Variants in C2orf76 observed in about 807,000 individuals in gnomAD.
The protein encoded by C2orf76 is UPF0538 protein C2orf76.
A neutral mutation model predicts 16.9 loss-of-function variants in C2orf76; 23 were observed. The ratio of observed to expected loss-of-function variants is 1.36; its 90% CI spans 0.98 to 1.93. C2orf76 has a LOEUF of 1.93. C2orf76 is among the 30% of genes most tolerant of loss of function. C2orf76 has a pLI of 0.00. For synonymous variants in C2orf76, 48 were observed against 52.3 expected, an observed-to-expected ratio of 0.92 and a Z score of 0.35; for missense variants, 152 against 152.6, an observed-to-expected ratio of 1.00 and a Z score of 0.02.
Position 119,364,025 on chromosome 2 carries a change from TAGAG to T in C2orf76, c.-13+2761_-13+2764del, listed in dbSNP as rs35180651. 9.7e-3 allele frequency among the ~76,000 whole-genome samples: 1,396 copies of T among 143,848 alleles called. 12 individuals carry two copies. Among genetic ancestry groups the T allele is most frequent in the African/African-American group, 0.017 (636 of 37,828 alleles). The allele number at this position is 143,848 out of a possible 152,430, so 94.4% of individuals were successfully genotyped here. The stretch of plus-strand genomic sequence containing the variant: ...GGAGTGAGACCCTGTCTCAAAAAAA[TAGAG>T]AGAGAGAGAGAGACAGACAGACAGA... On this transcript the variant is annotated intron_variant, in intron 1 of 5. Coordinates refer to ENST00000334816, the MANE Select transcript of C2orf76 (RefSeq NM_001322331.2).
chr2:119,318,127 G>A (rs1043603755), intron 3 of C2orf76, among the ~76,000 whole-genome samples: 1 of 152,158 alleles, frequency 6.6e-6, no homozygotes, highest in Non-Finnish European at 1.5e-5. Context: ...TTATCTTGAA[G>A]TCAGGCTACA....
chr2:119,289,547 G>A, the C2orf76 span, among the ~76,000 whole-genome samples: 15 of 151,778 alleles, frequency 9.9e-5, 1 homozygote, highest in South Asian at 1.3e-3. Flanking sequence ...TTAGCTGGGC[G>A]TGGTGGCACG....
At chr2:119,295,098 C>T in the C2orf76 span, among the ~76,000 whole-genome samples, 22 of 152,038 alleles carry the variant, frequency 1.4e-4, no homozygotes, top group Non-Finnish European at 2.6e-4. Context: ...TTAATGACTA[C>T]GGCAAAGGTG....
intron 5 of C2orf76, among the ~76,000 whole-genome samples, chr2:119,310,183 T>A (rs1558776722): frequency 1.3e-5 from 2 of 152,230 alleles, no homozygotes; most frequent in Non-Finnish European, 2.9e-5. Flanking sequence ...CCCATTAATA[T>A]CAGTCTGTAA....
chr2:119,311,490 C>G (rs547489701), intron 5 of C2orf76, 132 bp downstream of exon 5: 21 of 1,439,002 alleles, frequency 1.5e-5, no homozygotes, highest in Non-Finnish European at 1.9e-5. Context: ...CTCCTCTGAA[C>G]AGTTACCGGG....
the C2orf76 span, among the ~76,000 whole-genome samples, chr2:119,285,392 G>A: frequency 1.3e-5 from 2 of 152,216 alleles, no homozygotes; most frequent in Non-Finnish European, 2.9e-5. Context: ...CTTCTTGGGG[G>A]AAGTGCACAG....
At chr2:119,341,050 G>T (rs13010156) in intron 1 of C2orf76, among the ~76,000 whole-genome samples, 1 of 151,814 alleles carries the variant, frequency 6.6e-6, no homozygotes, top group Non-Finnish European at 1.5e-5. Context: ...GCCCTGGGAC[G>T]ACAGAGCAGT....
intron 5 of C2orf76, among the ~76,000 whole-genome samples, chr2:119,309,398 C>CTTTTTTTTTTTTTTTTTTTT (rs1193022536): frequency 7.0e-5 from 5 of 71,358 alleles, no homozygotes; most frequent in African/African-American, 1.2e-4. Flanking sequence ...TTCTCTTTTT[C>CTTTTTTTTTTTTTTTTTTTT]TTTTTTTTTT....
chr2:119,307,793 C>A (rs1678846865), intron 5 of C2orf76, among the ~76,000 whole-genome samples: 1 of 152,220 alleles, frequency 6.6e-6, no homozygotes, highest in Non-Finnish European at 1.5e-5. Context: ...ATTTGCTTCT[C>A]ACCTTTACAG....
At chr2:119,351,970 C>T (rs911187755) in intron 1 of C2orf76, among the ~76,000 whole-genome samples, 1 of 152,170 alleles carries the variant, frequency 6.6e-6, no homozygotes, top group Admixed American at 6.5e-5. Flanking sequence ...ACCTAAAAAA[C>T]CTGGTATATA....
the C2orf76 span, among the ~76,000 whole-genome samples, chr2:119,292,278 G>A: frequency 7.9e-4 from 120 of 152,144 alleles, no homozygotes; most frequent in Middle Eastern, 3.4e-3. Context: ...GTTTTCCAGG[G>A]AACAGTTCAA....
At chr2:119,318,542 T>C (rs1679249349) in intron 3 of C2orf76, among the ~76,000 whole-genome samples, 1 of 151,976 alleles carries the variant, frequency 6.6e-6, no homozygotes, top group Non-Finnish European at 1.5e-5. Flanking sequence ...ATTTTTTTTT[T>C]TTTTTGAGAC....
intron 2 of C2orf76, among the ~76,000 whole-genome samples, chr2:119,324,276 C>T (rs1351991091): frequency 6.6e-6 from 1 of 152,180 alleles, no homozygotes; most frequent in Non-Finnish European, 1.5e-5. Flanking sequence ...ACAGCGAGCA[C>T]CTATTCTCTT....
intron 1 of C2orf76, among the ~76,000 whole-genome samples, chr2:119,355,009 T>G (rs1445708647): frequency 3.9e-5 from 6 of 152,184 alleles, no homozygotes; most frequent in Non-Finnish European, 7.4e-5. Flanking sequence ...ACATCTACAA[T>G]TCCTCAGACC....
the C2orf76 span, among the ~76,000 whole-genome samples, chr2:119,285,720 G>A: frequency 6.6e-6 from 1 of 152,140 alleles, no homozygotes; most frequent in Non-Finnish European, 1.5e-5. Flanking sequence ...TATTATTGCT[G>A]GTATCTGAAT....
intron 2 of C2orf76, among the ~76,000 whole-genome samples, chr2:119,331,272 ATTTTGCTCT>A (rs1679669089): frequency 1.2e-4 from 19 of 152,144 alleles, no homozygotes; most frequent in Admixed American, 1.2e-3. Flanking sequence ...TCTACAGCTA[ATTTTGCTCT>A]ACTACTGCAG....
intron 2 of C2orf76, among the ~76,000 whole-genome samples, chr2:119,335,501 T>C (rs748578733): frequency 1.1e-4 from 17 of 152,162 alleles, no homozygotes; most frequent in Non-Finnish European, 2.2e-4. Context: ...CAGAAGGCAA[T>C]TGAAAGAGCT....
chr2:119,342,658 G>T (rs574132904), intron 1 of C2orf76, among the ~76,000 whole-genome samples: 2 of 152,176 alleles, frequency 1.3e-5, no homozygotes, highest in East Asian at 3.9e-4. Flanking sequence ...ATTATCTGAG[G>T]TGTAGGAAGA....
Position 119,364,999 on chromosome 2 carries a change from G to C in C2orf76, c.-13+1791C>G, listed in dbSNP as rs572277717. ...CTCGGGAGGCTAAGGTGGGAGGATC[G>C]CTTGAGGCCTGGAGTTCAAGGCTGC... On this transcript the variant is annotated intron_variant, in intron 1 of 5. Transcript: ENST00000334816. Among the ~76,000 whole-genome samples, 17 of 152,276 alleles carry C rather than the reference G, an allele frequency of 1.1e-4. No individual in the cohort carries two copies. In the East Asian group the frequency reaches 3.1e-3, roughly 28 times the overall value.
Sources: allele counts gnomAD v4.1 joint callset (sites outside exome capture counted in the v4.1 genomes callset), GRCh38; gene constraint gnomAD v4.1.1; transcripts MANE v1.5; gene names NCBI Gene and HGNC (gene_info 2026-07-23, HGNC 2026-07-21).